MIDEAS: variants seen among roughly 807,000 people sequenced by gnomAD.
MIDEAS encodes mitotic deacetylase associated SANT domain protein.
In MIDEAS, 26 loss-of-function variants were observed where a neutral mutation model predicts 102.7. The ratio of observed to expected loss-of-function variants is 0.25; its 90% CI spans 0.19 to 0.35. The LOEUF is 0.35. MIDEAS is among the 10% of genes least tolerant of loss of function. MIDEAS has a pLI of 1.00. For synonymous variants in MIDEAS, 585 were observed against 591.0 expected, an observed-to-expected ratio of 0.99 and a Z score of 0.15; for missense variants, 1,231 against 1,435.6, an observed-to-expected ratio of 0.86 and a Z score of 2.30.
At chr14:73,756,306 G>GCGCA (rs916749655) in intron 1 of MIDEAS, among the ~76,000 whole-genome samples, 2 of 98,220 alleles carry the variant, frequency 2.0e-5, no homozygotes, top group African/African-American at 6.9e-5. Flanking sequence ...GCGCGCGCGC[G>GCGCA]TGCGCGCTGA....
intron 12 of MIDEAS, 83 bp downstream of exon 12, chr14:73,719,222 T>TCCCC: frequency 2.7e-6 from 4 of 1,497,116 alleles, no homozygotes; most frequent in East Asian, 2.5e-5. Context: ...CTGTACCTCT[T>TCCCC]CCCCCTCCCC....
At chr14:73,781,734 C>CA (rs72374466) in intron 1 of MIDEAS, among the ~76,000 whole-genome samples, 2,636 of 73,506 alleles carry the variant, frequency 0.036, 151 homozygotes, top group African/African-American at 0.07. Flanking sequence ...AACTCTGTCT[C>CA]AAAAAAAAAA....
At chr14:73,781,391 T>C (rs2053755891) in intron 1 of MIDEAS, among the ~76,000 whole-genome samples, 1 of 152,204 alleles carries the variant, frequency 6.6e-6, no homozygotes, top group Non-Finnish European at 1.5e-5. Context: ...TTTTCAGAAA[T>C]ATGTAAATCC....
intron 1 of MIDEAS, among the ~76,000 whole-genome samples, chr14:73,754,371 C>A (rs975070957): frequency 6.6e-6 from 1 of 152,240 alleles, no homozygotes; most frequent in African/African-American, 2.4e-5. Context: ...GACTCACTCA[C>A]GCACATGCAA....
rs1183488654 is a variant in MIDEAS at position 73,759,468 on chromosome 14, A to G, written c.-248+295T>C. Among the ~76,000 whole-genome samples the G allele has an allele frequency of 6.6e-6, 1 of 151,126 alleles. No homozygotes were observed. Among genetic ancestry groups the G allele is most frequent in the Non-Finnish European group, 1.5e-5 (1 of 67,782 alleles). On this transcript the variant is annotated intron_variant, in intron 1 of 12. Transcript: ENST00000423556. This position sits in a 1 kb window ranked among gnomAD's most constrained non-coding sequence, Gnocchi z 6.7. ...GGCGGGGGCCGCGCGCAAGCTGCGT[A>G]GCTGCACAAACACCGCGGGGCTGCG...
chr14:73,753,264 C>T (rs574897277), intron 1 of MIDEAS, among the ~76,000 whole-genome samples: 1 of 152,350 alleles, frequency 6.6e-6, no homozygotes, highest in Admixed American at 6.5e-5. Flanking sequence ...CCCACCCTTC[C>T]CAGCCCAAGA....
At chr14:73,749,897 T>C (rs1183615703) in intron 1 of MIDEAS, among the ~76,000 whole-genome samples, 1 of 152,212 alleles carries the variant, frequency 6.6e-6, no homozygotes, top group Non-Finnish European at 1.5e-5. Context: ...TGCAAAGGCC[T>C]GGGTATCCCC....
At position 73,725,940 on chromosome 14, in the gene MIDEAS, A is replaced by G; in HGVS notation, c.2485+93T>C. 16 of 1,133,642 alleles carry G rather than the reference A, an allele frequency of 1.4e-5. No homozygotes were observed. Among genetic ancestry groups the G allele is most frequent in the Non-Finnish European group, 1.9e-5 (15 of 770,576 alleles). The allele number at this position is 1,133,642 out of a possible 1,614,324, so 70.2% of individuals were successfully genotyped here. On this transcript the variant is annotated intron_variant, in intron 8 of 12. Transcript: ENST00000423556. The surrounding 1 kb of genome is among the most constrained non-coding windows in gnomAD (Gnocchi z 4.1). ...TATCTACCCTCCTCCTCCCGCCCCC[A>G]CCCAGGGCTGTGACTCAGCACTGAG...
In MIDEAS at chr14:73,737,157, A is replaced by G. The variant is rs1259732511; in HGVS notation, c.1590T>C (p.Ser530=). Residue 530 remains serine, a synonymous_variant, in exon 3 of 13, where the codon TCT becomes TCC. Coordinates refer to ENST00000423556, the MANE Select transcript of MIDEAS (RefSeq NM_001367710.1). ...SGMVPLIIPV[S]VPVRTVDPTE... is the part of the protein sequence containing the mutation. ...TTGGGTCCACAGTTCGCACAGGCAC[A>G]GACACTGGGATGATGAGGGGTACCA... is the stretch of plus-strand genomic sequence containing the variant. 1 of 1,614,090 alleles carries G rather than the reference A, an allele frequency of 6.2e-7. No homozygotes were observed. The highest frequency in any genetic ancestry group is 8.5e-7 in the Non-Finnish European group (1 of 1,180,038).
chr14:73,787,147 G>C (rs1311334142), exon 1 of MIDEAS: 1 of 149,672 alleles, frequency 6.7e-6, no homozygotes, highest in African/African-American at 2.4e-5. Flanking sequence ...CGGGGCGCAG[G>C]CGAGTGCGGC....
In MIDEAS at chr14:73,725,925, C is replaced by G. The variant is rs962417434; in HGVS notation, c.2485+108G>C. 1 of 980,740 alleles carries G rather than the reference C, an allele frequency of 1.0e-6. No individual in the cohort carries two copies. The highest frequency in any genetic ancestry group is 1.6e-6 in the Non-Finnish European group (1 of 637,264). 60.8% of individuals were successfully genotyped at this position (980,740 alleles called of 1,614,324 possible). On this transcript the variant is annotated intron_variant, in intron 8 of 12. Transcript: ENST00000423556. The surrounding 1 kb of genome is among the most constrained non-coding windows in gnomAD (Gnocchi z 4.1). ...CTCTGACTCTTGGCTTATCTACCCT[C>G]CTCCTCCCGCCCCCACCCAGGGCTG...
At chr14:73,751,104 A>G (rs1348505043) in intron 1 of MIDEAS, among the ~76,000 whole-genome samples, 1 of 151,864 alleles carries the variant, frequency 6.6e-6, no homozygotes, top group Non-Finnish European at 1.5e-5. Context: ...TCCCAACTCA[A>G]CCTCCCAAAG....
At position 73,717,442 on chromosome 14, in the gene MIDEAS, T is replaced by C. The variant is rs1236882931; in HGVS notation, c.*1401A>G. 6.6e-6 allele frequency: 1 copy of C among 152,232 alleles called. No individual in the cohort carries two copies. 9.4% of individuals were successfully genotyped at this position (152,232 alleles called of 1,614,324 possible). ...AGAATTCTGGCCTCTTGCCAACTCT[T>C]CCCTCAGGCAAAGCACAGCCAGAGA... On this transcript the variant is annotated 3_prime_UTR_variant, in exon 13 of 13. Transcript: ENST00000423556.
chr14:73,749,087 A>T (rs2053389563), intron 1 of MIDEAS, among the ~76,000 whole-genome samples: 1 of 152,212 alleles, frequency 6.6e-6, no homozygotes, highest in Non-Finnish European at 1.5e-5. Flanking sequence ...GAAGATCGAC[A>T]AGGAAATAGA....
At chr14:73,757,839 G>A (rs1453578886) in intron 1 of MIDEAS, among the ~76,000 whole-genome samples, 1 of 152,182 alleles carries the variant, frequency 6.6e-6, no homozygotes, top group African/African-American at 2.4e-5. Context: ...AGCACACAGG[G>A]TCAAACACTG....
chr14:73,745,351 C>T (rs1026145921), intron 1 of MIDEAS, among the ~76,000 whole-genome samples: 10 of 152,248 alleles, frequency 6.6e-5, no homozygotes, highest in African/African-American at 2.4e-4. Flanking sequence ...CACTGTTGCC[C>T]TCCACCCCAC....
upstream of MIDEAS, among the ~76,000 whole-genome samples, chr14:73,764,977 A>G (rs543186893): frequency 6.6e-6 from 1 of 152,336 alleles, no homozygotes; most frequent in African/African-American, 2.4e-5. Context: ...GAGAAGGACA[A>G]AACAGGTGTG....
Position 73,739,154 on chromosome 14 carries a change from G to A in MIDEAS, c.855C>T (p.Pro285=). 1 of 1,613,786 alleles carries A rather than the reference G, an allele frequency of 6.2e-7. No homozygotes were observed. Among genetic ancestry groups the A allele is most frequent in the African/African-American group, 1.3e-5 (1 of 75,052 alleles). ...CAGCTGGCTGCAGGCCAAAGTCCTG[G>A]GGTTGCTGCGAGGGTTGCTGCGGCA... is the stretch of plus-strand genomic sequence containing the variant. ...YSMPQQPSQQ[P]QDFGLQPAGP... is the part of the protein sequence containing the mutation. The change falls in exon 2 of 13, where the codon CCC becomes CCT. Residue 285 remains proline, a synonymous_variant. Coordinates refer to ENST00000423556, the MANE Select transcript of MIDEAS (RefSeq NM_001367710.1).
chr14:73,729,965 C>T lies in MIDEAS; in HGVS notation c.1770G>A (p.Lys590=). Residue 590 remains lysine, a synonymous_variant, in exon 4 of 13, where the codon AAG becomes AAA. Transcript: ENST00000423556. ...AQAQAEDMNV[K]LEGEPSVRKP... ...TCCGCACGGAAGGCTCCCCCTCCAACTTGACATTCATGTCCTCTGCCTGGA... is the reference window on the plus strand; with the variant it reads ...TCCGCACGGAAGGCTCCCCCTCCAATTTGACATTCATGTCCTCTGCCTGGA... 2 of 1,599,972 alleles carry T rather than the reference C, an allele frequency of 1.3e-6. No individual in the cohort carries two copies. The highest frequency in any genetic ancestry group is 2.7e-5 in the African/African-American group (2 of 74,692).
Sources: allele counts gnomAD v4.1 joint callset (sites outside exome capture counted in the v4.1 genomes callset), GRCh38; gene constraint gnomAD v4.1.1; non-coding constraint Gnocchi (gnomAD v3.1); transcripts MANE v1.5; gene names NCBI Gene and HGNC (gene_info 2026-07-23, HGNC 2026-07-21).